PCDHGB3: variants seen among roughly 807,000 people sequenced by gnomAD.
PCDHGB3 encodes the protein protocadherin gamma-B3.
Under a neutral mutation model 59.2 loss-of-function variants are expected in PCDHGB3, and 40 were observed. That is an observed-to-expected ratio of 0.68 (90% CI 0.52 to 0.88). The LOEUF (loss-of-function observed/expected upper bound fraction) is 0.88. Ranked by LOEUF, PCDHGB3 falls within the 40% of genes least tolerant of loss-of-function variation. The probability of loss-of-function intolerance (pLI) is 0.00; values close to 1 mark genes in which losing one functional copy is unlikely to be tolerated. For missense variants in PCDHGB3, 1,309 were observed against 1,187.9 expected, an observed-to-expected ratio of 1.10 and a Z score of -1.50; for synonymous variants, 581 against 503.6, an observed-to-expected ratio of 1.15 and a Z score of -2.06.
At chr5:141,412,934 G>A (rs1232539262) in intron 1 of PCDHGB3, 1 of 453,932 alleles carries the variant, frequency 2.2e-6, no homozygotes, top group African/African-American at 2.0e-5. Context: ...TAACTTCTTA[G>A]GACTCTGAGC....
At chr5:141,420,301 C>CT (rs768732518) in intron 1 of PCDHGB3, 1 of 1,462,190 alleles carries the variant, frequency 6.8e-7, no homozygotes, top group African/African-American at 1.4e-5. Flanking sequence ...GTATTTAATC[C>CT]TTTTTATATT....
Position 141,487,401 on chromosome 5 carries a change from T to C in PCDHGB3, c.2416-7406T>C, listed in dbSNP as rs2099644244. The C allele has an allele frequency of 6.2e-7, 1 of 1,614,134 alleles. No individual in the cohort carries two copies. The highest frequency in any genetic ancestry group is 1.3e-5 in the African/African-American group (1 of 75,046). On this transcript the variant is annotated intron_variant, in intron 1 of 3. Transcript: ENST00000576222. This position sits in a 1 kb window ranked among gnomAD's most constrained non-coding sequence, Gnocchi z 5.0. ...ACCAGATCTCGAAGGAGGGAGGGGCTTCCCCCTTCCAATGGGATCCTCCGA... is the reference window on the plus strand; with the variant it reads ...ACCAGATCTCGAAGGAGGGAGGGGCCTCCCCCTTCCAATGGGATCCTCCGA...
intron 1 of PCDHGB3, chr5:141,410,428 C>A (rs376561050): frequency 5.0e-6 from 8 of 1,613,906 alleles, no homozygotes; most frequent in African/African-American, 1.3e-5. Flanking sequence ...TTCCCCCCAA[C>A]TACAGTGAGG....
intron 1 of PCDHGB3, chr5:141,375,613 C>T (rs770657408): frequency 1.2e-6 from 2 of 1,614,226 alleles, no homozygotes; most frequent in Non-Finnish European, 1.7e-6. Context: ...TCAACTCCGA[C>T]ACTGGGATTC....
intron 1 of PCDHGB3, chr5:141,478,346 G>A: frequency 6.2e-7 from 1 of 1,613,794 alleles, no homozygotes; most frequent in African/African-American, 1.3e-5. Context: ...CTCCTTGCAC[G>A]CGGACGCCGT....
rs2099394683 is a variant in PCDHGB3, at chr5:141,476,602, C to G, written c.2416-18205C>G. 2.5e-6 allele frequency: 4 copies of G among 1,614,208 alleles called. No individual in the cohort carries two copies. The highest frequency in any genetic ancestry group is 2.2e-5 in the East Asian group (1 of 44,862). Reference sequence around the variant, plus strand: ...TTCCGCTCGAGAGCGCGCACGATCCCGATGTGGGAAGCAACTCTTTACAAA... The same window carrying G: ...TTCCGCTCGAGAGCGCGCACGATCCGGATGTGGGAAGCAACTCTTTACAAA... On this transcript the variant is annotated intron_variant, in intron 1 of 3. Transcript: ENST00000576222. This position sits in a 1 kb window ranked among gnomAD's most constrained non-coding sequence, Gnocchi z 7.6.
intron 1 of PCDHGB3, chr5:141,383,678 G>C: frequency 1.2e-6 from 2 of 1,614,036 alleles, no homozygotes; most frequent in East Asian, 4.5e-5. Flanking sequence ...GTGGGTACAA[G>C]ACTGCTCACG....
intron 1 of PCDHGB3, chr5:141,393,562 A>C: frequency 6.2e-7 from 1 of 1,613,964 alleles, no homozygotes; most frequent in Non-Finnish European, 8.5e-7. Context: ...TACCGAGTGA[A>C]AGTCCTTGAG....
intron 1 of PCDHGB3, among the ~76,000 whole-genome samples, chr5:141,449,199 A>T (rs927587807): frequency 3.3e-5 from 5 of 152,190 alleles, no homozygotes; most frequent in Admixed American, 2.6e-4. Flanking sequence ...AGAAGTGTTA[A>T]TTCTAACTTT....
At chr5:141,423,440 C>G in intron 1 of PCDHGB3, 1 of 1,613,970 alleles carries the variant, frequency 6.2e-7, no homozygotes, top group South Asian at 1.1e-5. Context: ...GGTATGCCCA[C>G]GTCACATTTT....
At chr5:141,384,407 C>G (rs1198473919) in intron 1 of PCDHGB3, 1 of 1,613,956 alleles carries the variant, frequency 6.2e-7, no homozygotes, top group South Asian at 1.1e-5. Context: ...CCAGTGTCCT[C>G]CTATGTCTCC....
intron 1 of PCDHGB3, chr5:141,430,868 G>A (rs1414256124): frequency 6.3e-7 from 1 of 1,597,104 alleles, no homozygotes; most frequent in Admixed American, 1.8e-5. Context: ...TTCAGTTCCG[G>A]AAGAGCTGGA....
In PCDHGB3 at chr5:141,432,212, G is replaced by T. The variant is rs2097468822; in HGVS notation, c.2415+59403G>T. 8 of 1,614,184 alleles carry T rather than the reference G, an allele frequency of 5.0e-6. No homozygotes were observed. In the East Asian group the frequency reaches 1.3e-4, roughly 27 times the overall value. ...CCACGACCCCGACTGTGAAGAGAAC[G>T]CCCAGATCACTTATTCCCTGGCTGA... On this transcript the variant is annotated intron_variant, in intron 1 of 3. Transcript: ENST00000576222. The surrounding 1 kb of genome is among the most constrained non-coding windows in gnomAD (Gnocchi z 6.0).
chr5:141,414,435 C>T lies in PCDHGB3; in HGVS notation c.2415+41626C>T, dbSNP rs891322256. 4.3e-6 allele frequency: 7 copies of T among 1,613,678 alleles called. No homozygotes were observed. In the African/African-American group the frequency reaches 8.0e-5, roughly 18 times the overall value. On this transcript the variant is annotated intron_variant, in intron 1 of 3. Coordinates refer to ENST00000576222, the MANE Select transcript of PCDHGB3 (RefSeq NM_018924.5). ...GAGCCCTTGACAGGGAACAGGTATC[C>T]TCTTACAATATCACAGTGACAGCCA...
At chr5:141,375,448 A>G in intron 1 of PCDHGB3, 2 of 1,613,844 alleles carry the variant, frequency 1.2e-6, no homozygotes, top group South Asian at 1.1e-5. Flanking sequence ...TCCCCCATTC[A>G]TCCTACTCAG....
chr5:141,492,911 G>A (rs1008138353), intron 1 of PCDHGB3, among the ~76,000 whole-genome samples: 1 of 152,216 alleles, frequency 6.6e-6, no homozygotes, highest in Admixed American at 6.5e-5. Context: ...TGATCACAAT[G>A]TGCCCAGCGA....
intron 1 of PCDHGB3, chr5:141,426,581 C>A: frequency 2.8e-6 from 1 of 358,468 alleles, no homozygotes. Context: ...TCTTCAAAAT[C>A]CTCTGTGTCA....
intron 1 of PCDHGB3, chr5:141,388,688 C>T: frequency 6.2e-7 from 1 of 1,613,970 alleles, no homozygotes; most frequent in Non-Finnish European, 8.5e-7. Context: ...CTGCCACGGA[C>T]CAGGATGAGG....
At position 141,399,337 on chromosome 5, in the gene PCDHGB3, GGAACCCTAGACC is replaced by G. The variant is rs754766358; in HGVS notation, c.2415+26531_2415+26542del. 29 of 1,613,990 alleles carry G rather than the reference GGAACCCTAGACC, an allele frequency of 1.8e-5. No individual in the cohort carries two copies. In the South Asian group the frequency reaches 3.1e-4, roughly 17 times the overall value. Reference sequence around the variant, plus strand: ...AAATTCGTATAAGTTGGTAACAGATGGAACCCTAGACCGAGAGCAAACCCCGGAGTACAATGT... The same window carrying G: ...AAATTCGTATAAGTTGGTAACAGATGGAGAGCAAACCCCGGAGTACAATGT... On this transcript the variant is annotated intron_variant, in intron 1 of 3. Transcript: ENST00000576222.
Sources: gnomAD v4.1 joint callset for allele counts (sites outside exome capture counted in the v4.1 genomes callset) on GRCh38, gnomAD v4.1.1 for gene constraint, Gnocchi (gnomAD v3.1) non-coding constraint, MANE v1.5 for transcripts, NCBI Gene and HGNC (gene_info 2026-07-23, HGNC 2026-07-21) for gene names.